Variants in LPAR3 observed in about 807,000 individuals in gnomAD.
The protein encoded by LPAR3 is lysophosphatidic acid receptor 3.
A neutral mutation model predicts 17.8 loss-of-function variants in LPAR3; 7 were observed. That is an observed-to-expected ratio of 0.39 (90% CI 0.22 to 0.74). The LOEUF (loss-of-function observed/expected upper bound fraction) is 0.74, where lower values mean the gene tolerates loss of function less well. Among genes scored for constraint, LPAR3 ranks in the 30% least tolerant of loss-of-function variants. The pLI, the probability that LPAR3 is intolerant of heterozygous loss-of-function variation, is 0.40. For synonymous variants in LPAR3, 179 were observed against 179.9 expected (o/e 0.99, Z 0.04); for missense variants, 391 against 453.4 (o/e 0.86, Z 1.25).
intron 1 of LPAR3, among the ~76,000 whole-genome samples, chr1:84,890,230 G>T (rs1660528427): frequency 8.6e-6 from 1 of 116,120 alleles, no homozygotes; most frequent in South Asian, 3.1e-4. Flanking sequence ...ACGAAGGGAG[G>T]AACAAAAGGC....
intron 2 of LPAR3, among the ~76,000 whole-genome samples, chr1:84,818,173 T>C (rs1299692144): frequency 1.3e-5 from 2 of 152,248 alleles, no homozygotes; most frequent in East Asian, 1.9e-4. Context: ...TTAATTCATA[T>C]ACAATGATTA....
intron 1 of LPAR3, among the ~76,000 whole-genome samples, chr1:84,889,278 C>A (rs1163781988): frequency 6.6e-6 from 1 of 152,090 alleles, no homozygotes; most frequent in Non-Finnish European, 1.5e-5. Flanking sequence ...AAGTAATTAG[C>A]TTAATTTGGG....
intron 2 of LPAR3, among the ~76,000 whole-genome samples, chr1:84,820,434 G>GACT (rs1659031900): frequency 6.6e-6 from 1 of 152,172 alleles, no homozygotes; most frequent in Non-Finnish European, 1.5e-5. Flanking sequence ...TGTCAATGAG[G>GACT]GTCTCAGTCG....
intron 1 of LPAR3, among the ~76,000 whole-genome samples, chr1:84,877,769 C>T (rs536166182): frequency 6.6e-6 from 1 of 152,254 alleles, no homozygotes; most frequent in South Asian, 2.1e-4. Flanking sequence ...CATTCTTCAC[C>T]TACGTGTCAG....
intron 1 of LPAR3, among the ~76,000 whole-genome samples, chr1:84,882,188 C>T (rs1185284673): frequency 6.6e-6 from 1 of 152,076 alleles, no homozygotes; most frequent in Non-Finnish European, 1.5e-5. Flanking sequence ...TTTCTATGCA[C>T]TAACAACAAA....
intron 1 of LPAR3, among the ~76,000 whole-genome samples, chr1:84,890,154 C>T (rs1039515060): frequency 6.6e-6 from 1 of 152,040 alleles, no homozygotes; most frequent in Non-Finnish European, 1.5e-5. Context: ...AATACAGAAT[C>T]CAGGATGAGG....
intron 1 of LPAR3, among the ~76,000 whole-genome samples, chr1:84,867,817 C>T (rs1245144488): frequency 6.6e-6 from 1 of 152,100 alleles, no homozygotes; most frequent in Non-Finnish European, 1.5e-5. Context: ...CATATATTTA[C>T]ACTATATCAT....
chr1:84,852,177 G>A (rs1274384352), intron 2 of LPAR3, among the ~76,000 whole-genome samples: 1 of 151,562 alleles, frequency 6.6e-6, no homozygotes, highest in African/African-American at 2.4e-5. Context: ...CAGCCTCCCG[G>A]GCCCAAGCGA....
At chr1:84,864,166 T>C (rs966466792) in intron 2 of LPAR3, among the ~76,000 whole-genome samples, 8 of 150,466 alleles carry the variant, frequency 5.3e-5, no homozygotes, top group African/African-American at 2.0e-4. Flanking sequence ...GAGCTGAGAT[T>C]GCACCACTGC....
rs929447423 is a variant in LPAR3 at position 84,813,717 on chromosome 1, A to T, written c.*129T>A. ...TTTAAACTATGAAAAAAAATTTTTT[A>T]AAGAAATCTAGCAGTGATTAATGGA... is the stretch of plus-strand genomic sequence containing the variant. On this transcript the variant is annotated 3_prime_UTR_variant, in exon 3 of 3. Coordinates refer to ENST00000370611, the MANE Select transcript of LPAR3 (RefSeq NM_012152.3). 16 of 774,548 alleles carry T rather than the reference A, an allele frequency of 2.1e-5. No homozygotes were observed. The East Asian group carries it at 2.7e-4, about 13-fold the overall frequency. The allele number at this position is 774,548 out of a possible 1,614,324, so 48.0% of individuals were successfully genotyped here. A position where few individuals can be genotyped will look rare whatever the true frequency, so the allele number is the denominator to read the frequency against.
chr1:84,861,736 T>C (rs1659945880), intron 2 of LPAR3, among the ~76,000 whole-genome samples: 1 of 152,222 alleles, frequency 6.6e-6, no homozygotes. Context: ...GGTTCCTCTG[T>C]CTTACCATTA....
At chr1:84,857,212 C>T (rs1194329580) in intron 2 of LPAR3, among the ~76,000 whole-genome samples, 2 of 152,156 alleles carry the variant, frequency 1.3e-5, no homozygotes, top group Non-Finnish European at 2.9e-5. Context: ...GGGCATTCTG[C>T]TTGAATACAG....
intron 1 of LPAR3, among the ~76,000 whole-genome samples, chr1:84,884,534 G>A (rs1428998452): frequency 1.3e-5 from 2 of 152,264 alleles, no homozygotes; most frequent in East Asian, 3.9e-4. Context: ...AAATATCACA[G>A]TAAAACTCTA....
chr1:84,819,529 T>C (rs559365052), intron 2 of LPAR3, among the ~76,000 whole-genome samples: 1 of 152,222 alleles, frequency 6.6e-6, no homozygotes, highest in South Asian at 2.1e-4. Context: ...CCCAAAATGG[T>C]TTAATCAAGC....
At chr1:84,866,200 T>C in intron 1 of LPAR3, 62 bp from the exon 2 acceptor site, 2 of 1,309,722 alleles carry the variant, frequency 1.5e-6, no homozygotes, top group Admixed American at 2.3e-5. Flanking sequence ...AAGCCATCAA[T>C]TGCTGTTTCT....
intron 1 of LPAR3, among the ~76,000 whole-genome samples, chr1:84,880,100 T>C (rs1194901321): frequency 6.6e-6 from 1 of 151,676 alleles, no homozygotes; most frequent in Non-Finnish European, 1.5e-5. Flanking sequence ...GAGGCCAAGG[T>C]GGGAGGATTG....
chr1:84,827,940 C>A (rs1345932187), intron 2 of LPAR3, among the ~76,000 whole-genome samples: 1 of 151,926 alleles, frequency 6.6e-6, no homozygotes, highest in Non-Finnish European at 1.5e-5. Flanking sequence ...GAAAGATGGA[C>A]AATACTCCAC....
intron 1 of LPAR3, among the ~76,000 whole-genome samples, chr1:84,887,605 T>A (rs1660484962): frequency 6.6e-6 from 1 of 152,196 alleles, no homozygotes; most frequent in Non-Finnish European, 1.5e-5. Flanking sequence ...TGAAGAAATC[T>A]GGCAAACACC....
At chr1:84,876,678 A>G (rs989569446) in intron 1 of LPAR3, among the ~76,000 whole-genome samples, 5 of 152,218 alleles carry the variant, frequency 3.3e-5, no homozygotes, top group Non-Finnish European at 4.4e-5. Flanking sequence ...CAGGTTGACT[A>G]TATCACCTCT....
Sources: gnomAD v4.1 joint callset for allele counts (sites outside exome capture counted in the v4.1 genomes callset) on GRCh38, gnomAD v4.1.1 for gene constraint, MANE v1.5 for transcripts, NCBI Gene and HGNC (gene_info 2026-07-23, HGNC 2026-07-21) for gene names.